FER: variants seen among roughly 807,000 people sequenced by gnomAD.
FER encodes the protein FER tyrosine kinase.
Under a neutral mutation model 111.0 loss-of-function variants are expected in FER, and 63 were observed. The ratio of observed to expected loss-of-function variants is 0.57; its 90% CI spans 0.46 to 0.70. The LOEUF is 0.70. Ranked by LOEUF, FER falls within the 30% of genes least tolerant of loss-of-function variation. The pLI is 0.00. For synonymous variants in FER, 327 were observed against 313.9 expected, an observed-to-expected ratio of 1.04 and a Z score of -0.44; for missense variants, 914 against 954.0, an observed-to-expected ratio of 0.96 and a Z score of 0.55.
chr5:108,921,699 GT>G (rs1413048166), intron 10 of FER, among the ~76,000 whole-genome samples: 1 of 152,108 alleles, frequency 6.6e-6, no homozygotes, highest in Non-Finnish European at 1.5e-5. Context: ...CGTTGACAAT[GT>G]TTTTTACCAA....
At chr5:109,117,323 A>G (rs904771309) in intron 17 of FER, among the ~76,000 whole-genome samples, 19 of 152,074 alleles carry the variant, frequency 1.2e-4, no homozygotes, top group African/African-American at 3.4e-4. Context: ...ACAATAATTC[A>G]TGTGTTGGTA....
At chr5:108,798,930 C>G (rs188742721) in intron 3 of FER, among the ~76,000 whole-genome samples, 198 of 152,252 alleles carry the variant, frequency 1.3e-3, no homozygotes, top group African/African-American at 4.2e-3. Flanking sequence ...GTTTGAGAAC[C>G]ATTGTTACAA....
At chr5:108,820,610 G>C (rs1023367461) in intron 3 of FER, 1 of 904,860 alleles carries the variant, frequency 1.1e-6, no homozygotes, top group South Asian at 5.1e-5. Context: ...GTAATATCCC[G>C]GTAGTCATGT....
chr5:108,964,296 T>A (rs912468052), intron 13 of FER, among the ~76,000 whole-genome samples: 9 of 152,260 alleles, frequency 5.9e-5, no homozygotes, highest in South Asian at 2.1e-4. Context: ...GCTAATTTTT[T>A]AAATATTATC....
intron 9 of FER, among the ~76,000 whole-genome samples, chr5:108,889,119 G>C (rs1000712710): frequency 1.3e-5 from 2 of 151,814 alleles, no homozygotes; most frequent in Non-Finnish European, 2.9e-5. Context: ...CCTGAACTCA[G>C]TTAGTGTAAC....
intron 17 of FER, among the ~76,000 whole-genome samples, chr5:109,146,290 A>ATC (rs1754207315): frequency 8.8e-6 from 1 of 114,044 alleles, no homozygotes; most frequent in African/African-American, 3.8e-5. Context: ...ATATATATAT[A>ATC]TCTTGGGTAG....
intron 17 of FER, among the ~76,000 whole-genome samples, chr5:109,117,338 T>G (rs1323812460): frequency 6.6e-6 from 1 of 152,122 alleles, no homozygotes; most frequent in Non-Finnish European, 1.5e-5. Context: ...TTGGTAATTC[T>G]CTACACCCTA....
chr5:108,888,653 T>C (rs1747537453), intron 9 of FER, among the ~76,000 whole-genome samples: 1 of 151,936 alleles, frequency 6.6e-6, no homozygotes, highest in African/African-American at 2.4e-5. Flanking sequence ...TACTGAAGTA[T>C]GTATTGCTTG....
intron 16 of FER, among the ~76,000 whole-genome samples, chr5:109,064,590 C>T (rs549888420): frequency 6.6e-6 from 1 of 152,098 alleles, no homozygotes; most frequent in South Asian, 2.1e-4. Flanking sequence ...TACATTTGAG[C>T]CATAGATGCA....
chr5:108,868,093 C>A, intron 6 of FER, 143 bp downstream of exon 6: 1 of 734,450 alleles, frequency 1.4e-6, no homozygotes, highest in Non-Finnish European at 2.1e-6. Flanking sequence ...TCTTGATTTT[C>A]ACTTTTCATG....
At chr5:108,797,332 G>T (rs771994549) in intron 2 of FER, among the ~76,000 whole-genome samples, 62 of 152,024 alleles carry the variant, frequency 4.1e-4, no homozygotes, top group Non-Finnish European at 8.2e-4. Context: ...TGCTGGCCGG[G>T]GTGCAGAAGG....
chr5:108,897,505 T>C (rs568029066), intron 9 of FER, 154 bp from the exon 10 acceptor site: 2 of 542,032 alleles, frequency 3.7e-6, no homozygotes, highest in Non-Finnish European at 6.2e-6. Flanking sequence ...TAATAAATAC[T>C]GTGATAACTT....
At chr5:109,124,804 T>A (rs1751480193) in intron 17 of FER, among the ~76,000 whole-genome samples, 1 of 152,116 alleles carries the variant, frequency 6.6e-6, no homozygotes. Flanking sequence ...CCCAGCACTT[T>A]GGGAGGCCGA....
chr5:108,780,101 T>C (rs1011833087), intron 2 of FER, among the ~76,000 whole-genome samples: 1 of 152,210 alleles, frequency 6.6e-6, no homozygotes, highest in Non-Finnish European at 1.5e-5. Flanking sequence ...TTGTTGCTGC[T>C]ATTTTGAACA....
At chr5:109,048,491 C>CT (rs1204031288) in intron 16 of FER, among the ~76,000 whole-genome samples, 1 of 152,122 alleles carries the variant, frequency 6.6e-6, no homozygotes, top group Non-Finnish European at 1.5e-5. Flanking sequence ...TCTGGTCTTA[C>CT]TGTAATTGTT....
At chr5:108,904,334 G>A (rs773076029) in intron 10 of FER, among the ~76,000 whole-genome samples, 1 of 152,140 alleles carries the variant, frequency 6.6e-6, no homozygotes, top group Non-Finnish European at 1.5e-5. Flanking sequence ...ACATAGTGTG[G>A]TTAAGGAAGG....
intron 17 of FER, among the ~76,000 whole-genome samples, chr5:109,127,864 G>A (rs1006239433): frequency 1.3e-5 from 2 of 152,048 alleles, no homozygotes; most frequent in Non-Finnish European, 2.9e-5. Context: ...ATCAATGTAT[G>A]TGTTCTGTAA....
intron 3 of FER, among the ~76,000 whole-genome samples, chr5:108,823,903 G>A (rs1034139726): frequency 4.6e-5 from 7 of 152,058 alleles, no homozygotes; most frequent in African/African-American, 1.7e-4. Context: ...GAGTTTTATG[G>A]ATTCAGGTCT....
chr5:108,818,914 C>T (rs1758550670), intron 3 of FER, among the ~76,000 whole-genome samples: 1 of 152,108 alleles, frequency 6.6e-6, no homozygotes, highest in Non-Finnish European at 1.5e-5. Context: ...TCCTATGGCT[C>T]TTCACTTCTA....
Sources: gnomAD v4.1 joint callset for allele counts (sites outside exome capture counted in the v4.1 genomes callset) on GRCh38, gnomAD v4.1.1 for gene constraint, MANE v1.5 for transcripts, NCBI Gene and HGNC (gene_info 2026-07-23, HGNC 2026-07-21) for gene names.